The following YTHDF1 variants were observed in gnomAD, a reference collection of about 807,000 sequenced individuals.
The protein encoded by YTHDF1 is YTH domain-containing family protein 1.
Under a neutral mutation model 49.1 loss-of-function variants are expected in YTHDF1, and 16 were observed. The observed-to-expected ratio is 0.33, with a 90% CI of 0.22 to 0.49. The LOEUF is 0.49. YTHDF1 is among the 20% of genes least tolerant of loss of function. The pLI, the probability that YTHDF1 is intolerant of heterozygous loss-of-function variation, is 0.99. For synonymous variants in YTHDF1, 313 were observed against 290.1 expected (o/e 1.08, Z -0.80); for missense variants, 621 against 744.3 (o/e 0.83, Z 1.93).
intron 3 of YTHDF1, among the ~76,000 whole-genome samples, chr20:63,209,220 C>T (rs1350864051): frequency 6.6e-6 from 1 of 152,224 alleles, no homozygotes. Context: ...CCTCACTGGA[C>T]ACCACTGTCA....
At chr20:63,209,052 CTG>C (rs575007153) in intron 3 of YTHDF1, among the ~76,000 whole-genome samples, 193 of 152,344 alleles carry the variant, frequency 1.3e-3, no homozygotes, top group African/African-American at 4.5e-3. Context: ...TGATAAGTAT[CTG>C]TGTGTCTAAA....
At position 63,214,001 on chromosome 20, in the gene YTHDF1, T is replaced by C. The variant is rs1201448088; in HGVS notation, c.53-58A>G. On this transcript the variant is annotated intron_variant, in intron 2 of 4. Transcript: ENST00000370339. ...AATTTTAAAAGATTACTTTTAAGCT[T>C]GGAAGGCAAAGTTAGCAAAGTCTAT... The C allele has an allele frequency of 2.6e-6, 4 of 1,549,676 alleles. No individual in the cohort carries two copies. In the Admixed American group the frequency reaches 9.5e-5, roughly 37 times the overall value.
rs1202149112 is a variant in YTHDF1, at chr20:63,203,364, A to T, written c.576T>A (p.Ile192=). The T allele has an allele frequency of 1.9e-6, 3 of 1,613,128 alleles. No individual in the cohort carries two copies. Among genetic ancestry groups the T allele is most frequent in the Non-Finnish European group, 2.5e-6 (3 of 1,179,764 alleles). Residue 192 remains isoleucine (I), a synonymous_variant, in exon 4 of 5, where the codon ATT becomes ATA. Transcript: ENST00000370339. The surrounding 1 kb of genome is among the most constrained non-coding windows in gnomAD (Gnocchi z 4.4). The part of the protein sequence containing the change: ...SLEQGMVGLK[I]GDVSSSAVKT... ...TGACGGCGGAGGAGCTGACGTCCCCAATCTTCAGGCCAACCATGCCCTGCT... is the reference window on the plus strand; with the variant it reads ...TGACGGCGGAGGAGCTGACGTCCCCTATCTTCAGGCCAACCATGCCCTGCT...
rs1340011564 is a variant in YTHDF1 at position 63,202,665 on chromosome 20, G to A, written c.1275C>T (p.Phe425=). ...CGGGCCCCTTGCTGCTCATGCAGCG[G>A]AAGGCGCTGTCCAGGCGCTTGTTGC... ...EHGNKRLDSA[F]RCMSSKGPVY... Residue 425 remains phenylalanine (F), a synonymous_variant, in exon 4 of 5, where the codon TTC becomes TTT. Transcript: ENST00000370339. 6.2e-7 allele frequency: 1 copy of A among 1,613,918 alleles called. No homozygotes were observed. Among genetic ancestry groups the A allele is most frequent in the Non-Finnish European group, 8.5e-7 (1 of 1,180,040 alleles).
intron 3 of YTHDF1, among the ~76,000 whole-genome samples, chr20:63,211,243 T>C (rs577230818): frequency 5.3e-5 from 8 of 152,238 alleles, no homozygotes; most frequent in East Asian, 1.9e-4. Flanking sequence ...TGCGTGTGGA[T>C]TGCTTGAGCC....
intron 3 of YTHDF1, among the ~76,000 whole-genome samples, chr20:63,204,806 A>G (rs1235257072): frequency 4.6e-5 from 7 of 152,092 alleles, no homozygotes; most frequent in Admixed American, 2.6e-4. Flanking sequence ...CAGTTCTGGG[A>G]CGGCATCTCC....
At chr20:63,205,234 G>C (rs958963087) in intron 3 of YTHDF1, among the ~76,000 whole-genome samples, 2 of 152,164 alleles carry the variant, frequency 1.3e-5, no homozygotes, top group African/African-American at 4.8e-5. Context: ...CCCAGTCGGG[G>C]ACACCAGGTG....
chr20:63,209,047 A>C (rs1440204575), intron 3 of YTHDF1, among the ~76,000 whole-genome samples: 1 of 152,276 alleles, frequency 6.6e-6, no homozygotes, highest in Non-Finnish European at 1.5e-5. Flanking sequence ...ATCAATGATA[A>C]GTATCTGTGT....
Position 63,196,445 on chromosome 20 carries a change from G to A in YTHDF1, c.*263C>T. On this transcript the variant is annotated 3_prime_UTR_variant, in exon 5 of 5. Coordinates refer to ENST00000370339, the MANE Select transcript of YTHDF1 (RefSeq NM_017798.4). ...GCCAAAATAGATGCTTTGTTTTTAA[G>A]GATACTTACATTTCACATTAGATCA... 2.9e-6 allele frequency: 1 copy of A among 341,886 alleles called. No homozygotes were observed. The highest frequency in any genetic ancestry group is 5.3e-6 in the Non-Finnish European group (1 of 189,798). 21.2% of individuals were successfully genotyped at this position (341,886 alleles called of 1,614,324 possible).
intron 4 of YTHDF1, among the ~76,000 whole-genome samples, chr20:63,200,537 T>C (rs1255545155): frequency 1.3e-5 from 2 of 152,194 alleles, no homozygotes; most frequent in African/African-American, 4.8e-5. Context: ...CCAGCGGCTC[T>C]GTTGGACTCG....
At chr20:63,197,240 G>A (rs551620701) in intron 4 of YTHDF1, among the ~76,000 whole-genome samples, 1 of 152,304 alleles carries the variant, frequency 6.6e-6, no homozygotes, top group East Asian at 1.9e-4. Context: ...TGTGTCATGT[G>A]GCTAATGAAG....
intron 3 of YTHDF1, among the ~76,000 whole-genome samples, chr20:63,209,762 T>C (rs548648207): frequency 6.6e-6 from 1 of 152,006 alleles, no homozygotes; most frequent in South Asian, 2.1e-4. Context: ...AAAAAACACA[T>C]ATTAGCCTAG....
chr20:63,213,011 T>C (rs75318321), intron 3 of YTHDF1, among the ~76,000 whole-genome samples: 11,398 of 152,332 alleles, frequency 0.075, 541 homozygotes, highest in Middle Eastern at 0.13. Flanking sequence ...CAGCGCTTTA[T>C]GTGCACCATC....
chr20:63,206,468 G>A (rs1285539654), intron 3 of YTHDF1, among the ~76,000 whole-genome samples: 1 of 152,312 alleles, frequency 6.6e-6, no homozygotes, highest in African/African-American at 2.4e-5. Flanking sequence ...CAGACAGAGA[G>A]CCCATAAATG....
chr20:63,215,871 T>G lies in YTHDF1; in HGVS notation c.22A>C (p.Thr8Pro). MSATSVD[T>P]QRTKGQDNKV... ...CTGTAACCCGGCCCCGCTACCTGGGTGTCCACGCTGGTGGCCGACATGCTT... is the reference window on the plus strand; with the variant it reads ...CTGTAACCCGGCCCCGCTACCTGGGGGTCCACGCTGGTGGCCGACATGCTT... Residue 8 changes from threonine to proline, a missense_variant, in exon 1 of 5, where the codon ACC becomes CCC. Coordinates refer to ENST00000370339, the MANE Select transcript of YTHDF1 (RefSeq NM_017798.4). 6.9e-7 allele frequency: 1 copy of G among 1,451,912 alleles called. No individual in the cohort carries two copies. Among genetic ancestry groups the G allele is most frequent in the East Asian group, 3.1e-5 (1 of 32,572 alleles). 89.9% of individuals were successfully genotyped at this position (1,451,912 alleles called of 1,614,324 possible). A position where few individuals can be genotyped will look rare whatever the true frequency, so the allele number is the denominator to read the frequency against.
chr20:63,202,188 CG>C, intron 4 of YTHDF1, 98 bp downstream of exon 4: 2 of 1,469,596 alleles, frequency 1.4e-6, no homozygotes, highest in Non-Finnish European at 1.8e-6. Flanking sequence ...AGACTCAGCT[CG>C]GCGGACCTGC....
chr20:63,206,117 TC>T (rs11377121), intron 3 of YTHDF1, among the ~76,000 whole-genome samples: 185 of 151,554 alleles, frequency 1.2e-3, no homozygotes, highest in African/African-American at 4.2e-3. Flanking sequence ...AAGGGGACAG[TC>T]CCCCCCACAG....
Position 63,202,770 on chromosome 20 carries a change from A to G in YTHDF1, c.1170T>C (p.Arg390=). 6.2e-7 allele frequency: 1 copy of G among 1,614,116 alleles called. No homozygotes were observed. The highest frequency in any genetic ancestry group is 1.1e-5 in the South Asian group (1 of 91,084). ...CAGAGTAGCTCTTGATGATGAACAC[A>G]CGCCCGCTTTTCAGATTCCACTCAA... ...KEFEWNLKSG[R]VFIIKSYSED... The change falls in exon 4 of 5, where the codon CGT becomes CGC. Residue 390 remains arginine, a synonymous_variant. Transcript: ENST00000370339.
chr20:63,213,226 G>GT (rs1249840125), intron 3 of YTHDF1, among the ~76,000 whole-genome samples: 10 of 152,344 alleles, frequency 6.6e-5, no homozygotes, highest in African/African-American at 2.4e-4. Context: ...GAGGTCAGGA[G>GT]TTTGAGACCA....
Sources: gnomAD v4.1 joint callset for allele counts (sites outside exome capture counted in the v4.1 genomes callset) on GRCh38, gnomAD v4.1.1 for gene constraint, Gnocchi (gnomAD v3.1) non-coding constraint, MANE v1.5 for transcripts, NCBI Gene and HGNC (gene_info 2026-07-23, HGNC 2026-07-21) for gene names.